Variants in NFKB1 observed in about 807,000 individuals in gnomAD.
NFKB1 encodes nuclear factor kappa B subunit 1.
In NFKB1, 9 loss-of-function variants were observed where a neutral mutation model predicts 105.1. That is an observed-to-expected ratio of 0.09 (90% confidence interval 0.05 to 0.15). The LOEUF (loss-of-function observed/expected upper bound fraction) is 0.15. Among genes scored for constraint, NFKB1 ranks in the 10% least tolerant of loss-of-function variants. The pLI is 1.00. For synonymous variants in NFKB1, 440 were observed against 442.2 expected, an observed-to-expected ratio of 1.00 and a Z score of 0.06; for missense variants, 830 against 1,203.7, an observed-to-expected ratio of 0.69 and a Z score of 4.59.
intron 9 of NFKB1, among the ~76,000 whole-genome samples, chr4:102,581,505 C>T (rs1182332150): frequency 6.6e-6 from 1 of 151,974 alleles, no homozygotes; most frequent in Non-Finnish European, 1.5e-5. Flanking sequence ...AAAAAATTTA[C>T]AGGCCAGGCA....
At chr4:102,507,422 G>A (rs1739492193) in intron 1 of NFKB1, among the ~76,000 whole-genome samples, 1 of 151,922 alleles carries the variant, frequency 6.6e-6, no homozygotes, top group African/African-American at 2.4e-5. Flanking sequence ...AAAGCTATTA[G>A]ATTTTTCTTT....
chr4:102,532,674 G>A (rs1353325352), intron 3 of NFKB1, among the ~76,000 whole-genome samples: 2 of 151,990 alleles, frequency 1.3e-5, no homozygotes, highest in Non-Finnish European at 2.9e-5. Context: ...TTGTGTTATA[G>A]TTTATTTTTA....
chr4:102,552,526 T>A (rs1185955611), intron 5 of NFKB1, among the ~76,000 whole-genome samples: 1 of 152,200 alleles, frequency 6.6e-6, no homozygotes, highest in Non-Finnish European at 1.5e-5. Context: ...TTACAATAAG[T>A]AATTTTTTTC....
In NFKB1 at chr4:102,546,099, T is replaced by A. The variant is rs180820930; in HGVS notation, c.258+8143T>A. On this transcript the variant is annotated intron_variant, in intron 5 of 23. Coordinates refer to ENST00000226574, the MANE Select transcript of NFKB1 (RefSeq NM_003998.4). Reference sequence around the variant, plus strand: ...TGAGACCCTGTCTCTATAAAAAAAATTTTTTAAAGAAAAAAAACAGGATTT... The same window carrying A: ...TGAGACCCTGTCTCTATAAAAAAAAATTTTTAAAGAAAAAAAACAGGATTT... Among the ~76,000 whole-genome samples the A allele has an allele frequency of 1.9e-4, 29 of 152,102 alleles. 1 individual carries two copies. The highest frequency in any genetic ancestry group is 8.3e-4 in the South Asian group (4 of 4,816).
chr4:102,528,312 C>T (rs1416807035), intron 2 of NFKB1, among the ~76,000 whole-genome samples: 3 of 152,084 alleles, frequency 2.0e-5, no homozygotes, highest in Admixed American at 1.3e-4. Context: ...TTTTTCATTC[C>T]TGTATTTCCT....
chr4:102,576,998 C>T lies in NFKB1; in HGVS notation c.530C>T (p.Ala177Val). Residue 177 changes from alanine to valine, a missense_variant, in exon 7 of 24, where the codon GCC (alanine) becomes GTC (valine). Transcript: ENST00000226574. The part of the protein sequence containing the change: ...NPGLLVHPDL[A>V]YLQAEGGGDR... ...GGACTCTTGGTGCACCCTGACCTTG[C>T]CTATTTGCAAGCAGAAGGTGGAGGG... 2 of 1,612,878 alleles carry T rather than the reference C, an allele frequency of 1.2e-6. No homozygotes were observed. Among genetic ancestry groups the T allele is most frequent in the Non-Finnish European group, 1.7e-6 (2 of 1,179,688 alleles).
chr4:102,517,548 T>A (rs1230621782), intron 1 of NFKB1, among the ~76,000 whole-genome samples: 1 of 152,234 alleles, frequency 6.6e-6, no homozygotes, highest in Non-Finnish European at 1.5e-5. Context: ...TAGGAACTTC[T>A]ATCCATTTGA....
chr4:102,551,367 T>TGTGTGTGTGTGTGTGTGTGCACGCGC (rs370790173), intron 5 of NFKB1, among the ~76,000 whole-genome samples: 6 of 150,094 alleles, frequency 4.0e-5, no homozygotes, highest in African/African-American at 1.5e-4. Context: ...TGTGTGTGTG[T>TGTGTGTGTGTGTGTGTGTGCACGCGC]GCGCGCGCGC....
In NFKB1 at chr4:102,584,786, A is replaced by G. The variant is rs370636374; in HGVS notation, c.1032A>G (p.Glu344=). 40 of 1,612,548 alleles carry G rather than the reference A, an allele frequency of 2.5e-5. No individual in the cohort carries two copies. The highest frequency in any genetic ancestry group is 3.3e-5 in the Non-Finnish European group (39 of 1,179,276). ...GGAAATCTGACTTGGAAACTAGTGA[A>G]CCAAAACCTTTCCTCTACTATCCTG... ...LRRKSDLETS[E]PKPFLYYPEI... The change falls in exon 11 of 24, where the codon GAA becomes GAG. Residue 344 remains glutamate, a synonymous_variant. Coordinates refer to ENST00000226574, the MANE Select transcript of NFKB1 (RefSeq NM_003998.4).
chr4:102,594,883 C>A lies in NFKB1; in HGVS notation c.1211-9C>A. ...CATGATGTTTCATTTGTTTTACTTG[C>A]CGTTTCAGGGTATAGCTTCCCACAC... On this transcript the variant is annotated splice_polypyrimidine_tract_variant and intron_variant, in intron 12 of 23. Transcript: ENST00000226574. The A allele has an allele frequency of 6.3e-7, 1 of 1,595,830 alleles. No individual in the cohort carries two copies. Among genetic ancestry groups the A allele is most frequent in the Non-Finnish European group, 8.6e-7 (1 of 1,164,898 alleles).
intron 2 of NFKB1, among the ~76,000 whole-genome samples, chr4:102,526,673 A>G (rs936428326): frequency 6.6e-6 from 1 of 152,178 alleles, no homozygotes; most frequent in Non-Finnish European, 1.5e-5. Flanking sequence ...CTCATTTGTA[A>G]AATAGAAATG....
intron 7 of NFKB1, chr4:102,578,038 G>A (rs932012478): frequency 1.4e-4 from 139 of 966,446 alleles, no homozygotes; most frequent in Non-Finnish European, 1.6e-4. Context: ...TCTATTTCCC[G>A]TTTTGCCCCT....
intron 5 of NFKB1, among the ~76,000 whole-genome samples, chr4:102,541,616 G>A (rs951379936): frequency 6.6e-6 from 1 of 152,142 alleles, no homozygotes; most frequent in African/African-American, 2.4e-5. Flanking sequence ...CAATGGGAGG[G>A]TCTATGGAAT....
At chr4:102,606,743 A>C in intron 17 of NFKB1, 46 bp downstream of exon 17, 1 of 1,558,246 alleles carries the variant, frequency 6.4e-7, no homozygotes, top group Non-Finnish European at 8.8e-7. Flanking sequence ...TCCACCTTCT[A>C]AATATCTACT....
intron 1 of NFKB1, among the ~76,000 whole-genome samples, chr4:102,515,859 A>G (rs1740142114): frequency 6.6e-6 from 1 of 152,206 alleles, no homozygotes; most frequent in Non-Finnish European, 1.5e-5. Context: ...TTATTCTTTC[A>G]TACAGGTCCA....
At chr4:102,537,719 C>A in intron 4 of NFKB1, 139 bp from the exon 5 acceptor site, 1 of 487,042 alleles carries the variant, frequency 2.1e-6, no homozygotes, top group South Asian at 2.7e-5. Context: ...TTCTTGTTTA[C>A]GGAGCCCTCT....
intron 5 of NFKB1, among the ~76,000 whole-genome samples, chr4:102,542,900 G>A (rs1310097654): frequency 1.3e-5 from 2 of 152,168 alleles, no homozygotes; most frequent in Non-Finnish European, 2.9e-5. Flanking sequence ...GAAAAATCTA[G>A]GGGAAGTAAG....
At chr4:102,615,011 G>A (rs993515802) in intron 23 of NFKB1, among the ~76,000 whole-genome samples, 2 of 152,074 alleles carry the variant, frequency 1.3e-5, no homozygotes, top group East Asian at 1.9e-4. Context: ...CCAGCCTGCC[G>A]TCATTTCCTG....
rs182768011 is a variant in NFKB1, at chr4:102,548,497, G to T, written c.258+10541G>T. Among the ~76,000 whole-genome samples, 768 of 152,226 alleles carry T rather than the reference G, an allele frequency of 5.0e-3. 4 individuals carry two copies. Among genetic ancestry groups the T allele is most frequent in the South Asian group, 0.012 (57 of 4,820 alleles). On this transcript the variant is annotated intron_variant, in intron 5 of 23. Coordinates refer to ENST00000226574, the MANE Select transcript of NFKB1 (RefSeq NM_003998.4). ...TGAGCCCTGCTTTAGGTATGAGAAA[G>T]TCCAGCTTATATTCAGAATGGATGC...
Sources: allele counts gnomAD v4.1 joint callset (sites outside exome capture counted in the v4.1 genomes callset), GRCh38; gene constraint gnomAD v4.1.1; transcripts MANE v1.5; gene names NCBI Gene and HGNC (gene_info 2026-07-23, HGNC 2026-07-21).